The following CDC73 variants were observed in gnomAD, a reference collection of about 807,000 sequenced individuals.
CDC73 encodes the protein cell division cycle 73.
A neutral mutation model predicts 83.7 loss-of-function variants in CDC73; 21 were observed. The ratio of observed to expected loss-of-function variants is 0.25; its 90% CI spans 0.18 to 0.36. The LOEUF is 0.36. CDC73 is among the 10% of genes least tolerant of loss of function. The pLI is 1.00. For synonymous variants in CDC73, 224 were observed against 212.9 expected (o/e 1.05, Z -0.45); for missense variants, 342 against 653.3 (o/e 0.52, Z 5.19).
At chr1:193,147,773 G>GAATC in intron 7 of CDC73, 94 bp from the exon 8 acceptor site, 1 of 767,830 alleles carries the variant, frequency 1.3e-6, no homozygotes, top group South Asian at 1.5e-5. Flanking sequence ...TAGTAGGGAA[G>GAATC]AATCGATAGT....
chr1:193,193,777 TGTA>T (rs1676956822), intron 10 of CDC73, among the ~76,000 whole-genome samples: 1 of 125,484 alleles, frequency 8.0e-6, no homozygotes, highest in Non-Finnish European at 1.6e-5. Context: ...CTGTCTTACT[TGTA>T]GTGTGTGTGT....
chr1:193,199,430 G>T (rs886983410), intron 10 of CDC73, among the ~76,000 whole-genome samples: 1 of 152,092 alleles, frequency 6.6e-6, no homozygotes, highest in Non-Finnish European at 1.5e-5. Flanking sequence ...TAGAAGTTCA[G>T]GCCGGGCACG....
intron 13 of CDC73, among the ~76,000 whole-genome samples, chr1:193,228,419 C>T (rs890104332): frequency 6.6e-6 from 1 of 152,154 alleles, no homozygotes; most frequent in Non-Finnish European, 1.5e-5. Flanking sequence ...AGAGGACTCA[C>T]ACTACCTGAT....
chr1:193,144,227 C>G (rs1675955808), intron 7 of CDC73, among the ~76,000 whole-genome samples: 1 of 150,556 alleles, frequency 6.6e-6, no homozygotes, highest in Admixed American at 6.6e-5. Flanking sequence ...CACCTTTAAA[C>G]TTACATAAAT....
chr1:193,197,922 C>T (rs1269623550), intron 10 of CDC73, among the ~76,000 whole-genome samples: 1 of 118,502 alleles, frequency 8.4e-6, no homozygotes, highest in South Asian at 2.6e-4. Context: ...GAGATACCAT[C>T]TCACCAAAAA....
Position 193,152,387 on chromosome 1 carries a change from A to G in CDC73, c.915A>G (p.Glu305=), listed in dbSNP as rs1483138155. The G allele has an allele frequency of 6.2e-7, 1 of 1,608,232 alleles. No individual in the cohort carries two copies. The highest frequency in any genetic ancestry group is 1.1e-5 in the South Asian group (1 of 90,954). ...QERFKGKEET[E]GFKIDTMGTY... ...GCCTCTTTTTTTTCGTAGAAACGGA[A>G]GGCTTCAAAATTGACACTATGGGAA... The change falls in exon 10 of 17, where the codon GAA becomes GAG. Residue 305 remains glutamate, a synonymous_variant. Coordinates refer to ENST00000367435, the MANE Select transcript of CDC73 (RefSeq NM_024529.5).
rs990911328 is a variant in CDC73 at position 193,129,797 on chromosome 1, G to A, written c.238-377G>A. Reference sequence around the variant, plus strand: ...CAAAGTGCTGGGATTCTAGGTGTGAGCCACCGCGCCCAGCCAAGAAAATTA... The same window carrying A: ...CAAAGTGCTGGGATTCTAGGTGTGAACCACCGCGCCCAGCCAAGAAAATTA... On this transcript the variant is annotated intron_variant, in intron 2 of 16. Coordinates refer to ENST00000367435, the MANE Select transcript of CDC73 (RefSeq NM_024529.5). Among the ~76,000 whole-genome samples, 5 of 152,138 alleles carry A rather than the reference G, an allele frequency of 3.3e-5. No individual in the cohort carries two copies. The South Asian group carries it at 1.0e-3, about 31-fold the overall frequency.
chr1:193,245,474 T>G (rs1677938198), intron 15 of CDC73, among the ~76,000 whole-genome samples: 1 of 152,192 alleles, frequency 6.6e-6, no homozygotes, highest in Non-Finnish European at 1.5e-5. Flanking sequence ...TATGGCTGAA[T>G]AGTATTTTAT....
At chr1:193,165,552 T>C (rs970783421) in intron 10 of CDC73, among the ~76,000 whole-genome samples, 3 of 152,252 alleles carry the variant, frequency 2.0e-5, no homozygotes, top group African/African-American at 7.2e-5. Flanking sequence ...ACATACAGCA[T>C]AAATGCAAAG....
intron 15 of CDC73, among the ~76,000 whole-genome samples, chr1:193,246,976 C>T (rs1046681787): frequency 2.6e-5 from 4 of 152,102 alleles, no homozygotes; most frequent in Admixed American, 1.3e-4. Flanking sequence ...GTTCTGTGCT[C>T]GCTTAATTCG....
At chr1:193,138,651 C>T (rs921377483) in intron 6 of CDC73, among the ~76,000 whole-genome samples, 17 of 152,074 alleles carry the variant, frequency 1.1e-4, no homozygotes, top group African/African-American at 4.1e-4. Context: ...GCTACTCAAA[C>T]TCTACTTGAA....
At chr1:193,182,990 A>G (rs1374948960) in intron 10 of CDC73, among the ~76,000 whole-genome samples, 1 of 152,074 alleles carries the variant, frequency 6.6e-6, no homozygotes, top group Non-Finnish European at 1.5e-5. Flanking sequence ...CAGTGTATGC[A>G]TAAATACATG....
At chr1:193,193,096 T>G (rs909836094) in intron 10 of CDC73, among the ~76,000 whole-genome samples, 5 of 152,172 alleles carry the variant, frequency 3.3e-5, no homozygotes, top group African/African-American at 1.2e-4. Context: ...AGCAAACCCT[T>G]ACAGCAAAGC....
chr1:193,238,779 GAA>G (rs1321800108), intron 15 of CDC73, among the ~76,000 whole-genome samples: 1 of 152,130 alleles, frequency 6.6e-6, no homozygotes, highest in African/African-American at 2.4e-5. Flanking sequence ...AAAATCGTAA[GAA>G]AGAGAAAATA....
chr1:193,212,645 T>A (rs1050833230), intron 13 of CDC73, among the ~76,000 whole-genome samples, 168 bp downstream of exon 13: 2 of 152,228 alleles, frequency 1.3e-5, no homozygotes, highest in Non-Finnish European at 2.9e-5. Context: ...ATATATTCTT[T>A]TATATTTGGA....
intron 10 of CDC73, chr1:193,181,039 C>T: frequency 6.2e-7 from 1 of 1,613,844 alleles, no homozygotes; most frequent in Non-Finnish European, 8.5e-7. Flanking sequence ...ACTTTCATTG[C>T]CCCAAGTTTG....
intron 11 of CDC73, among the ~76,000 whole-genome samples, chr1:193,208,211 T>C (rs1677221262): frequency 6.6e-6 from 1 of 152,212 alleles, no homozygotes; most frequent in South Asian, 2.1e-4. Flanking sequence ...CTTTTCTGTA[T>C]TCCAAATTTA....
chr1:193,165,059 T>A (rs1341778486), intron 10 of CDC73, among the ~76,000 whole-genome samples: 1 of 152,164 alleles, frequency 6.6e-6, no homozygotes, highest in Non-Finnish European at 1.5e-5. Context: ...TTTGGAAATC[T>A]TTCTTTCTTT....
At chr1:193,240,350 T>G (rs1677837098) in intron 15 of CDC73, among the ~76,000 whole-genome samples, 1 of 152,248 alleles carries the variant, frequency 6.6e-6, no homozygotes, top group South Asian at 2.1e-4. Flanking sequence ...TTTGATAAAC[T>G]GATTTTCTTT....
Sources: gnomAD v4.1 joint callset for allele counts (sites outside exome capture counted in the v4.1 genomes callset) on GRCh38, gnomAD v4.1.1 for gene constraint, MANE v1.5 for transcripts, NCBI Gene and HGNC (gene_info 2026-07-23, HGNC 2026-07-21) for gene names.